Variants in PLPPR1 observed in about 807,000 individuals in gnomAD.
PLPPR1 encodes the protein phospholipid phosphatase-related protein type 1.
PLPPR1 carries 10 observed loss-of-function variants against 33.1 expected under a neutral mutation model. That is an observed-to-expected ratio of 0.30 (90% CI 0.19 to 0.51). The LOEUF (loss-of-function observed/expected upper bound fraction) is 0.51, where lower values mean the gene tolerates loss of function less well. Among genes scored for constraint, PLPPR1 ranks in the 20% least tolerant of loss-of-function variants. PLPPR1 has a pLI of 0.97. For synonymous variants in PLPPR1, 151 were observed against 151.0 expected, an observed-to-expected ratio of 1.00 and a Z score of 0.00; for missense variants, 304 against 408.1, an observed-to-expected ratio of 0.74 and a Z score of 2.20.
intron 2 of PLPPR1, among the ~76,000 whole-genome samples, chr9:101,202,277 T>C (rs1826509081): frequency 6.6e-6 from 1 of 152,194 alleles, no homozygotes; most frequent in South Asian, 2.1e-4. Context: ...CTATAGAGAA[T>C]TTCATGGTAA....
At chr9:101,209,686 A>T (rs1188174612) in intron 2 of PLPPR1, among the ~76,000 whole-genome samples, 2 of 152,218 alleles carry the variant, frequency 1.3e-5, no homozygotes, top group African/African-American at 4.8e-5. Flanking sequence ...TTGCTAGCCA[A>T]ACTATTTGAT....
chr9:101,301,797 A>G (rs1199405043), intron 4 of PLPPR1, among the ~76,000 whole-genome samples: 1 of 152,260 alleles, frequency 6.6e-6, no homozygotes, highest in African/African-American at 2.4e-5. Flanking sequence ...TATTCAAATG[A>G]TGACATATCA....
At chr9:101,138,532 C>T (rs953452606) in intron 1 of PLPPR1, among the ~76,000 whole-genome samples, 1 of 152,124 alleles carries the variant, frequency 6.6e-6, no homozygotes, top group Non-Finnish European at 1.5e-5. Context: ...ATAGGACAAC[C>T]TCCATTTCAC....
At position 101,030,796 on chromosome 9, in the gene PLPPR1, TG is replaced by T. The variant is rs1200486998; in HGVS notation, c.-46+1698del. ...TGGGGAGTCTCTCTGCTGCTTGGGA[TG>T]GGGACCTTTTTATCTTTAACATTTT... On this transcript the variant is annotated intron_variant, in intron 1 of 7. Transcript: ENST00000374874. Among the ~76,000 whole-genome samples, 3 of 151,998 alleles carry T rather than the reference TG, an allele frequency of 2.0e-5. No homozygotes were observed. The East Asian group carries it at 5.8e-4, about 30-fold the overall frequency.
intron 2 of PLPPR1, among the ~76,000 whole-genome samples, chr9:101,207,178 G>C (rs1338535690): frequency 6.6e-6 from 1 of 151,840 alleles, no homozygotes; most frequent in Non-Finnish European, 1.5e-5. Context: ...GCAAAATACT[G>C]AATAAATATT....
intron 2 of PLPPR1, among the ~76,000 whole-genome samples, chr9:101,243,924 C>T (rs971024099): frequency 2.0e-5 from 3 of 151,644 alleles, no homozygotes; most frequent in Non-Finnish European, 4.4e-5. Flanking sequence ...GGAAAGAATA[C>T]GGAGTTGATG....
intron 1 of PLPPR1, among the ~76,000 whole-genome samples, chr9:101,174,433 G>A (rs1407986301): frequency 6.6e-6 from 1 of 152,200 alleles, no homozygotes; most frequent in Non-Finnish European, 1.5e-5. Context: ...ACCATGGTCT[G>A]TGACTTGACC....
At chr9:101,092,664 C>T (rs1163014865) in intron 1 of PLPPR1, among the ~76,000 whole-genome samples, 6 of 152,120 alleles carry the variant, frequency 3.9e-5, no homozygotes, top group Admixed American at 2.0e-4. Context: ...CATGTCCATG[C>T]TTATCCTCCA....
intron 1 of PLPPR1, among the ~76,000 whole-genome samples, chr9:101,147,023 G>A (rs10119316): frequency 0.18 from 27,496 of 152,106 alleles, 2,610 homozygotes; most frequent in Non-Finnish European, 0.22. Context: ...GTGGAGTCAC[G>A]GCTCAGCTAC....
chr9:101,211,138 A>G (rs1826683080), intron 2 of PLPPR1, among the ~76,000 whole-genome samples: 1 of 152,170 alleles, frequency 6.6e-6, no homozygotes, highest in Admixed American at 6.5e-5. Flanking sequence ...ATGTTCAGAA[A>G]AGATAGGGGA....
At position 101,201,637 on chromosome 9, in the gene PLPPR1, A is replaced by C. The variant is rs115929349; in HGVS notation, c.63+16080A>C. 4.2e-3 allele frequency among the ~76,000 whole-genome samples: 636 copies of C among 152,330 alleles called. 7 individuals carry two copies. Among genetic ancestry groups the C allele is most frequent in the African/African-American group, 0.013 (542 of 41,570 alleles). ...GTTAAATAGAGTTTTTAAGGTGCCT[A>C]GAACCTGGCAGGCTACATTCTCAGT... is the stretch of plus-strand genomic sequence containing the variant. On this transcript the variant is annotated intron_variant, in intron 2 of 7. Transcript: ENST00000374874.
intron 1 of PLPPR1, among the ~76,000 whole-genome samples, chr9:101,048,639 C>T (rs1830181699): frequency 6.6e-6 from 1 of 152,184 alleles, no homozygotes; most frequent in Admixed American, 6.5e-5. Flanking sequence ...GACACTGTCT[C>T]ATTTCAGGGA....
chr9:101,191,953 A>G (rs1247229258), intron 2 of PLPPR1, among the ~76,000 whole-genome samples: 1 of 152,168 alleles, frequency 6.6e-6, no homozygotes, highest in East Asian at 1.9e-4. Flanking sequence ...TTTATTGCCT[A>G]TTTTTGACAA....
chr9:101,065,244 G>A (rs570499016), intron 1 of PLPPR1, among the ~76,000 whole-genome samples: 2 of 152,102 alleles, frequency 1.3e-5, no homozygotes, highest in Admixed American at 6.5e-5. Flanking sequence ...TGCACAGAAC[G>A]CTCTTTAAGT....
At position 101,124,900 on chromosome 9, in the gene PLPPR1, C is replaced by T. The variant is rs1175236747; in HGVS notation, c.-45-60550C>T. ...ATGGAATGCTTGTGCCAGCAAAGAC[C>T]GCAGAAACCAATGCATCCACCCCTT... On this transcript the variant is annotated intron_variant, in intron 1 of 7. Transcript: ENST00000374874. Among the ~76,000 whole-genome samples, 11 of 152,326 alleles carry T rather than the reference C, an allele frequency of 7.2e-5. 1 individual carries two copies. The highest frequency in any genetic ancestry group is 4.6e-4 in the Admixed American group (7 of 15,308).
intron 2 of PLPPR1, among the ~76,000 whole-genome samples, chr9:101,223,020 A>C (rs1826979843): frequency 6.6e-6 from 1 of 151,770 alleles, no homozygotes; most frequent in South Asian, 2.1e-4. Flanking sequence ...CGCATTTAAG[A>C]AATGGAGTGG....
At chr9:101,264,502 G>A (rs1327864317) in intron 2 of PLPPR1, among the ~76,000 whole-genome samples, 3 of 152,098 alleles carry the variant, frequency 2.0e-5, no homozygotes, top group Admixed American at 2.0e-4. Flanking sequence ...ACTCCCACTG[G>A]GGATCAGCAG....
At chr9:101,182,631 G>T (rs1826135557) in intron 1 of PLPPR1, among the ~76,000 whole-genome samples, 2 of 151,694 alleles carry the variant, frequency 1.3e-5, no homozygotes, top group South Asian at 2.1e-4. Context: ...TCACTGAATT[G>T]TATTCTTTAA....
intron 6 of PLPPR1, among the ~76,000 whole-genome samples, chr9:101,316,272 T>A (rs1051134430): frequency 6.6e-6 from 1 of 151,692 alleles, no homozygotes; most frequent in African/African-American, 2.4e-5. Flanking sequence ...CCGTCTCTAC[T>A]AAAAAATACA....
Sources: allele counts gnomAD v4.1 joint callset (sites outside exome capture counted in the v4.1 genomes callset), GRCh38; gene constraint gnomAD v4.1.1; transcripts MANE v1.5; gene names NCBI Gene and HGNC (gene_info 2026-07-23, HGNC 2026-07-21).